Variants in SAMD4A observed in about 807,000 individuals in gnomAD.
SAMD4A encodes protein Smaug homolog 1.
In SAMD4A, 33 loss-of-function variants were observed where a neutral mutation model predicts 81.3. The observed-to-expected ratio is 0.41, with a 90% CI of 0.31 to 0.54. The LOEUF (loss-of-function observed/expected upper bound fraction) is 0.54. Among genes scored for constraint, SAMD4A ranks in the 20% least tolerant of loss-of-function variants. The pLI is 0.37. For missense variants in SAMD4A, 854 were observed against 951.1 expected (o/e 0.90, Z 1.34); for synonymous variants, 389 against 382.1 (o/e 1.02, Z -0.21).
intron 9 of SAMD4A, among the ~76,000 whole-genome samples, chr14:54,773,887 A>C (rs796799799): frequency 1.3e-5 from 2 of 152,398 alleles, no homozygotes; most frequent in African/African-American, 4.8e-5. Context: ...GACATGCAGG[A>C]TGGATGAGGA....
chr14:54,744,937 A>T (rs754198725), intron 4 of SAMD4A, among the ~76,000 whole-genome samples: 7 of 152,040 alleles, frequency 4.6e-5, no homozygotes, highest in Non-Finnish European at 8.8e-5. Context: ...TCTCACCCCA[A>T]ACCTGCTGCT....
intron 6 of SAMD4A, among the ~76,000 whole-genome samples, chr14:54,756,724 C>T (rs773782378): frequency 3.9e-5 from 6 of 152,212 alleles, no homozygotes; most frequent in Admixed American, 6.5e-5. Flanking sequence ...GAGGACACTT[C>T]GGCTGCTCAA....
chr14:54,614,801 A>G (rs572707403), intron 2 of SAMD4A, among the ~76,000 whole-genome samples: 171 of 152,242 alleles, frequency 1.1e-3, no homozygotes, highest in African/African-American at 3.8e-3. Context: ...GACTGGAGAA[A>G]CCCACTGTTT....
chr14:54,666,306 T>C (rs1401550678), intron 2 of SAMD4A, among the ~76,000 whole-genome samples: 1 of 152,142 alleles, frequency 6.6e-6, no homozygotes, highest in Non-Finnish European at 1.5e-5. Context: ...GGCCTGATAT[T>C]CCTCATTACT....
At chr14:54,695,514 C>G (rs1416613723) in intron 2 of SAMD4A, among the ~76,000 whole-genome samples, 1 of 152,192 alleles carries the variant, frequency 6.6e-6, no homozygotes, top group African/African-American at 2.4e-5. Context: ...TTTTTATGAC[C>G]TAAGGTCAGA....
intron 2 of SAMD4A, among the ~76,000 whole-genome samples, chr14:54,626,067 C>T (rs1258258186): frequency 2.1e-4 from 23 of 108,746 alleles, no homozygotes; most frequent in African/African-American, 5.1e-4. Flanking sequence ...TGTGCGCGCG[C>T]GCGCGCGCGA....
chr14:54,691,510 GC>G (rs1382002443), intron 2 of SAMD4A, among the ~76,000 whole-genome samples: 2 of 131,052 alleles, frequency 1.5e-5, no homozygotes, highest in African/African-American at 6.0e-5. Flanking sequence ...CTTACCCACT[GC>G]CCAAGGACTT....
upstream of SAMD4A, among the ~76,000 whole-genome samples, chr14:54,566,919 C>T (rs1445144938): frequency 1.3e-5 from 2 of 152,106 alleles, no homozygotes; most frequent in African/African-American, 4.8e-5. Context: ...TTATTTTTGT[C>T]TCGAGCTGCT....
chr14:54,774,225 C>A (rs1455714890), intron 9 of SAMD4A, among the ~76,000 whole-genome samples: 1 of 152,212 alleles, frequency 6.6e-6, no homozygotes, highest in African/African-American at 2.4e-5. Context: ...ACAAGGATTA[C>A]GCGCTGTTTT....
At chr14:54,664,608 C>G (rs559168518) in intron 2 of SAMD4A, among the ~76,000 whole-genome samples, 1 of 151,930 alleles carries the variant, frequency 6.6e-6, no homozygotes, top group African/African-American at 2.4e-5. Context: ...TCCCCCACCC[C>G]CTCTCTTCTT....
intron 2 of SAMD4A, among the ~76,000 whole-genome samples, chr14:54,620,173 G>T (rs1014405144): frequency 3.3e-5 from 5 of 152,216 alleles, no homozygotes; most frequent in Middle Eastern, 3.4e-3. Context: ...GAAACAGAAG[G>T]CTTGGGAATT....
At chr14:54,702,830 T>G in intron 3 of SAMD4A, 1 of 452,430 alleles carries the variant, frequency 2.2e-6, no homozygotes, top group Non-Finnish European at 3.9e-6. Context: ...CAAAAATAAA[T>G]AGACAATAAA....
rs145581480 is a variant in SAMD4A, at chr14:54,592,391, A to T, written c.196+24279A>T. Among the ~76,000 whole-genome samples, 15 of 152,208 alleles carry T rather than the reference A, an allele frequency of 9.9e-5. 1 individual carries two copies. The East Asian group carries it at 2.9e-3, about 29-fold the overall frequency. ...TCTTCTCCTCTTTCCTTCCCCAAAT[A>T]TGTATCCTTTCCTGTCTATCATTTT... On this transcript the variant is annotated intron_variant, in intron 2 of 12. Transcript: ENST00000554335.
chr14:54,591,980 G>A (rs542467657), intron 2 of SAMD4A, among the ~76,000 whole-genome samples: 15 of 152,064 alleles, frequency 9.9e-5, no homozygotes, highest in Non-Finnish European at 2.1e-4. Flanking sequence ...TGCTTTGTGT[G>A]CCTTTTTCCC....
intron 2 of SAMD4A, among the ~76,000 whole-genome samples, chr14:54,698,571 T>G (rs2036631665): frequency 6.6e-6 from 1 of 152,224 alleles, no homozygotes; most frequent in African/African-American, 2.4e-5. Flanking sequence ...TGCACAGGGC[T>G]TAGAAGAGTG....
At chr14:54,597,921 C>T (rs1431009497) in intron 2 of SAMD4A, among the ~76,000 whole-genome samples, 1 of 152,122 alleles carries the variant, frequency 6.6e-6, no homozygotes, top group Non-Finnish European at 1.5e-5. Flanking sequence ...TTGCTTCTGC[C>T]TGGTCCTGAT....
chr14:54,737,751 A>G (rs1566612390), intron 4 of SAMD4A, among the ~76,000 whole-genome samples: 1 of 151,762 alleles, frequency 6.6e-6, no homozygotes, highest in Non-Finnish European at 1.5e-5. Context: ...GCAGAATTGC[A>G]GTAGTGCTTC....
intron 7 of SAMD4A, 131 bp from the exon 8 acceptor site, chr14:54,764,324 T>C (rs985213418): frequency 1.0e-5 from 7 of 671,868 alleles, no homozygotes; most frequent in South Asian, 2.0e-5. Flanking sequence ...TTGGCCTTTT[T>C]TGTGAGCCTT....
chr14:54,751,346 T>G (rs1344135703), intron 5 of SAMD4A, 105 bp from the exon 6 acceptor site: 2 of 709,042 alleles, frequency 2.8e-6, no homozygotes, highest in Non-Finnish European at 2.4e-6. Context: ...CCCGTGAACA[T>G]ATAGGAGCAA....
Sources: allele counts gnomAD v4.1 joint callset (sites outside exome capture counted in the v4.1 genomes callset), GRCh38; gene constraint gnomAD v4.1.1; transcripts MANE v1.5; gene names NCBI Gene and HGNC (gene_info 2026-07-23, HGNC 2026-07-21).